The following TAOK3 variants were observed in gnomAD, a reference collection of about 807,000 sequenced individuals.
The protein encoded by TAOK3 is TAO kinase 3.
A neutral mutation model predicts 120.4 loss-of-function variants in TAOK3; 40 were observed. The observed-to-expected ratio is 0.33, with a 90% CI of 0.26 to 0.43. TAOK3 has a LOEUF of 0.43. TAOK3 is among the 20% of genes least tolerant of loss of function. The probability of loss-of-function intolerance (pLI) is 1.00; values close to 1 mark genes in which losing one functional copy is unlikely to be tolerated. For synonymous variants in TAOK3, 355 were observed against 387.5 expected (o/e 0.92, Z 0.99); for missense variants, 821 against 1,112.1 (o/e 0.74, Z 3.72).
intron 19 of TAOK3, among the ~76,000 whole-genome samples, chr12:118,154,367 G>A (rs1473780060): frequency 6.6e-6 from 1 of 152,190 alleles, no homozygotes; most frequent in African/African-American, 2.4e-5. Flanking sequence ...TGATGGCCCA[G>A]TGCTAGAAAT....
intron 1 of TAOK3, among the ~76,000 whole-genome samples, chr12:118,291,906 C>T (rs535241323): frequency 1.3e-5 from 2 of 152,034 alleles, no homozygotes; most frequent in Non-Finnish European, 2.9e-5. Flanking sequence ...GCTCCACCTC[C>T]GGGTTCAAGC....
chr12:118,335,203 C>A (rs910519059), intron 1 of TAOK3, among the ~76,000 whole-genome samples: 2 of 148,366 alleles, frequency 1.3e-5, no homozygotes, highest in African/African-American at 5.0e-5. Context: ...AAAAAAAAAT[C>A]TGTTTCAAGA....
chr12:118,206,214 G>A (rs144740317), intron 11 of TAOK3, among the ~76,000 whole-genome samples: 122 of 152,332 alleles, frequency 8.0e-4, no homozygotes, highest in African/African-American at 2.8e-3. Context: ...GCTAAGGATG[G>A]TGAAGTAGAA....
intron 1 of TAOK3, among the ~76,000 whole-genome samples, chr12:118,278,591 G>T (rs567193426): frequency 6.6e-6 from 1 of 152,224 alleles, no homozygotes; most frequent in South Asian, 2.1e-4. Flanking sequence ...TGTGAAAAGT[G>T]CTGCAATGAG....
intron 5 of TAOK3, among the ~76,000 whole-genome samples, chr12:118,242,022 G>GGTTGCA (rs2040274393): frequency 6.6e-6 from 1 of 151,680 alleles, no homozygotes. Context: ...GGGAGGTGGA[G>GGTTGCA]GTTGCAGTCA....
At chr12:118,362,644 G>T (rs1270276097) in intron 1 of TAOK3, among the ~76,000 whole-genome samples, 1 of 152,152 alleles carries the variant, frequency 6.6e-6, no homozygotes, top group Non-Finnish European at 1.5e-5. Flanking sequence ...CCTCTCCCAG[G>T]CTCTACCTCT....
chr12:118,367,518 A>T (rs891475706), intron 1 of TAOK3, among the ~76,000 whole-genome samples: 3 of 152,110 alleles, frequency 2.0e-5, no homozygotes, highest in African/African-American at 7.2e-5. Context: ...TGTATAGATA[A>T]ATATCACTTA....
intron 17 of TAOK3, among the ~76,000 whole-genome samples, chr12:118,166,035 GCTTT>G (rs1309987815): frequency 3.9e-5 from 6 of 152,128 alleles, no homozygotes; most frequent in Admixed American, 2.0e-4. Context: ...TGTTTAATGT[GCTTT>G]CCATTTTTAA....
intron 1 of TAOK3, among the ~76,000 whole-genome samples, chr12:118,343,933 A>C (rs11068914): frequency 0.045 from 6,860 of 151,422 alleles, 341 homozygotes; most frequent in East Asian, 0.24. Flanking sequence ...AATGGCATGA[A>C]CCTAGGAGGT....
chr12:118,186,239 T>G (rs148193998), intron 14 of TAOK3, among the ~76,000 whole-genome samples: 3 of 152,302 alleles, frequency 2.0e-5, no homozygotes, highest in African/African-American at 7.2e-5. Flanking sequence ...CCCTTCTCCC[T>G]GACATGTGTT....
At chr12:118,359,502 T>G (rs535938504) in intron 1 of TAOK3, 3 of 152,328 alleles carry the variant, frequency 2.0e-5, no homozygotes, top group African/African-American at 7.2e-5. Context: ...ACCAATTTAC[T>G]TACAGGAGGA....
At chr12:118,210,246 T>A (rs1270367926) in intron 11 of TAOK3, among the ~76,000 whole-genome samples, 2 of 152,154 alleles carry the variant, frequency 1.3e-5, no homozygotes, top group Non-Finnish European at 2.9e-5. Context: ...CTAGATTCTG[T>A]TATTGAGCAA....
At chr12:118,243,269 A>G (rs2040333845) in intron 5 of TAOK3, 146 bp downstream of exon 5, 1 of 556,832 alleles carries the variant, frequency 1.8e-6, no homozygotes, top group South Asian at 2.5e-5. Context: ...TGACACACCA[A>G]AGTATTAACA....
intron 1 of TAOK3, among the ~76,000 whole-genome samples, chr12:118,336,693 A>G (rs1227662875): frequency 6.6e-6 from 1 of 152,204 alleles, no homozygotes; most frequent in Non-Finnish European, 1.5e-5. Flanking sequence ...TGCAAACCAC[A>G]TATCTGACAA....
intron 10 of TAOK3, among the ~76,000 whole-genome samples, chr12:118,213,324 T>C (rs1319744713): frequency 6.6e-6 from 1 of 152,158 alleles, no homozygotes; most frequent in Non-Finnish European, 1.5e-5. Context: ...ACAATTCTCA[T>C]AGTCTCAACT....
chr12:118,266,248 C>T (rs2041441554), intron 2 of TAOK3, among the ~76,000 whole-genome samples: 1 of 152,088 alleles, frequency 6.6e-6, no homozygotes, highest in Admixed American at 6.5e-5. Flanking sequence ...AGCTGGAGTG[C>T]AATGCACGAT....
At chr12:118,254,665 T>C (rs1403703819) in intron 3 of TAOK3, among the ~76,000 whole-genome samples, 2 of 152,152 alleles carry the variant, frequency 1.3e-5, no homozygotes, top group Non-Finnish European at 2.9e-5. Flanking sequence ...TGCAGAGTTT[T>C]CTAGGTGGGG....
chr12:118,287,707 T>C (rs898048779), intron 1 of TAOK3, among the ~76,000 whole-genome samples: 4 of 152,202 alleles, frequency 2.6e-5, no homozygotes, highest in Admixed American at 6.5e-5. Context: ...GATTTTGCCA[T>C]GTTGCTCAGT....
intron 14 of TAOK3, among the ~76,000 whole-genome samples, chr12:118,189,388 A>G (rs1324150639): frequency 6.6e-6 from 1 of 152,208 alleles, no homozygotes; most frequent in East Asian, 1.9e-4. Context: ...TGCCGTGCAT[A>G]CATATACATC....
Sources: gnomAD v4.1 joint callset for allele counts (sites outside exome capture counted in the v4.1 genomes callset) on GRCh38, gnomAD v4.1.1 for gene constraint, MANE v1.5 for transcripts, NCBI Gene and HGNC (gene_info 2026-07-23, HGNC 2026-07-21) for gene names.